RIMS2: variants seen among roughly 807,000 people sequenced by gnomAD.
RIMS2 encodes regulating synaptic membrane exocytosis 2, also known as regulating synaptic membrane exocytosis protein 2.
RIMS2 carries 59 observed loss-of-function variants against 174.4 expected under a neutral mutation model. The observed-to-expected ratio is 0.34, with a 90% confidence interval of 0.27 to 0.42. The LOEUF is 0.42. RIMS2 is among the 10% of genes least tolerant of loss of function. RIMS2 has a pLI of 1.00. For synonymous variants in RIMS2, 606 were observed against 572.5 expected (o/e 1.06, Z -0.84); for missense variants, 1,620 against 1,666.3 (o/e 0.97, Z 0.48).
chr8:104,252,721 C>T (rs767513344), downstream of RIMS2: 3 of 152,144 alleles, frequency 2.0e-5, no homozygotes, highest in Non-Finnish European at 4.4e-5. Context: ...CTAGAAGATA[C>T]TTAAAATTCT....
chr8:103,778,195 T>A (rs2098340137), intron 3 of RIMS2, among the ~76,000 whole-genome samples: 1 of 152,048 alleles, frequency 6.6e-6, no homozygotes, highest in Non-Finnish European at 1.5e-5. Context: ...CACATTCATA[T>A]AATATGTAAA....
At position 104,037,478 on chromosome 8, in the gene RIMS2, T is replaced by G. The variant is rs1345008510; in HGVS notation, c.3334+22863T>G. On this transcript the variant is annotated intron_variant, in intron 19 of 23. Coordinates refer to ENST00000504942, the Ensembl canonical transcript of RIMS2. ...CTGGTAACAGTACCAAGTGTATGCCTGTTGTAAATGGTGGTAAGTGAGAAC... is the reference window on the plus strand; with the variant it reads ...CTGGTAACAGTACCAAGTGTATGCCGGTTGTAAATGGTGGTAAGTGAGAAC... Among the ~76,000 whole-genome samples the G allele has an allele frequency of 7.9e-5, 12 of 152,358 alleles. No homozygotes were observed. The East Asian group carries it at 2.1e-3, about 27-fold the overall frequency.
chr8:103,656,708 G>A (rs2096536017), intron 1 of RIMS2, among the ~76,000 whole-genome samples: 2 of 152,088 alleles, frequency 1.3e-5, no homozygotes, highest in Non-Finnish European at 2.9e-5. Context: ...GAGGTCACAG[G>A]GCAAATCAAG....
chr8:103,659,181 A>G (rs2096566539), intron 1 of RIMS2, among the ~76,000 whole-genome samples: 1 of 152,158 alleles, frequency 6.6e-6, no homozygotes, highest in Non-Finnish European at 1.5e-5. Context: ...AGAAGTTGAT[A>G]TGGAGGCAGT....
chr8:103,784,272 A>G (rs1255865243), intron 3 of RIMS2, among the ~76,000 whole-genome samples: 1 of 149,208 alleles, frequency 6.7e-6, no homozygotes, highest in Non-Finnish European at 1.5e-5. Flanking sequence ...CTTTAGTTTA[A>G]TTAGATCCCA....
chr8:104,015,463 A>T, intron 19 of RIMS2: 3 of 698,514 alleles, frequency 4.3e-6, no homozygotes, highest in Non-Finnish European at 7.8e-6. Flanking sequence ...GAAGGTCTGT[A>T]CATAAAAGAG....
upstream of RIMS2, chr8:103,500,701 C>T: frequency 1.9e-6 from 1 of 536,070 alleles, no homozygotes; most frequent in Non-Finnish European, 3.3e-6. Context: ...GCCCTCCTTC[C>T]CCACGCGCTC....
At position 103,934,227 on chromosome 8, in the gene RIMS2, TA is replaced by T. The variant is rs929394002; in HGVS notation, c.2376-2316del. The stretch of plus-strand genomic sequence containing the variant: ...AAGGATTAGGTTGGATTTTATTTTT[TA>T]AAAAAAAGTTAACTACCTTCTTAGC... On this transcript the variant is annotated intron_variant, in intron 12 of 23. Transcript: ENST00000504942. 1.1e-4 allele frequency among the ~76,000 whole-genome samples: 16 copies of T among 152,102 alleles called. No homozygotes were observed. The East Asian group carries it at 1.2e-3, about 11-fold the overall frequency.
chr8:104,249,542 C>T, exon 22 of RIMS2: 3 of 1,612,586 alleles, frequency 1.9e-6, no homozygotes, highest in Non-Finnish European at 2.5e-6. Context: ...TAGAAATCAT[C>T]CGGGCCCGTG....
intron 20 of RIMS2, among the ~76,000 whole-genome samples, chr8:104,246,791 G>T (rs760815691): frequency 6.6e-6 from 1 of 152,164 alleles, no homozygotes; most frequent in Non-Finnish European, 1.5e-5. Flanking sequence ...GGTGTCAGCA[G>T]TGAGGAGGGC....
At chr8:104,189,574 T>C (rs1194669160) in intron 19 of RIMS2, among the ~76,000 whole-genome samples, 1 of 128,238 alleles carries the variant, frequency 7.8e-6, no homozygotes, top group African/African-American at 2.7e-5. Context: ...AAATTCCAAA[T>C]ATATACATTA....
At position 103,784,989 on chromosome 8, in the gene RIMS2, C is replaced by T. The variant is rs1451221901; in HGVS notation, c.698+18452C>T. 2.1e-5 allele frequency among the ~76,000 whole-genome samples: 3 copies of T among 141,920 alleles called. 1 individual carries two copies. The highest frequency in any genetic ancestry group is 8.0e-5 in the African/African-American group (3 of 37,354). 93.1% of individuals were successfully genotyped at this position (141,920 alleles called of 152,430 possible). A position where few individuals can be genotyped will look rare whatever the true frequency, so the allele number is the denominator to read the frequency against. ...CTCCTTGAAGAGGTTCTTCACATCC[C>T]TTGTAAGTTGGATTCCTAGGTATTT... On this transcript the variant is annotated intron_variant, in intron 3 of 23. Coordinates refer to ENST00000504942, the Ensembl canonical transcript of RIMS2.
chr8:103,676,004 C>T (rs2096805215), intron 1 of RIMS2, among the ~76,000 whole-genome samples: 1 of 152,114 alleles, frequency 6.6e-6, no homozygotes, highest in Non-Finnish European at 1.5e-5. Flanking sequence ...CTGAAAAGCA[C>T]AGAGCTGAGA....
At chr8:104,245,801 G>A (rs762803853) in intron 20 of RIMS2, among the ~76,000 whole-genome samples, 4 of 152,202 alleles carry the variant, frequency 2.6e-5, no homozygotes, top group Non-Finnish European at 4.4e-5. Flanking sequence ...GAGGCCGTAG[G>A]AGCTGTTGGC....
At chr8:104,125,097 A>T (rs1428263984) in intron 19 of RIMS2, among the ~76,000 whole-genome samples, 1 of 152,088 alleles carries the variant, frequency 6.6e-6, no homozygotes, top group East Asian at 1.9e-4. Flanking sequence ...AACAGTATAT[A>T]GAATTGTGTT....
At chr8:103,551,604 A>G (rs530121178) in intron 1 of RIMS2, among the ~76,000 whole-genome samples, 1 of 152,324 alleles carries the variant, frequency 6.6e-6, no homozygotes, top group South Asian at 2.1e-4. Flanking sequence ...GGCCAGGGCA[A>G]TCAGACAGGA....
At chr8:103,632,104 T>C (rs577631103) in intron 1 of RIMS2, among the ~76,000 whole-genome samples, 5 of 152,332 alleles carry the variant, frequency 3.3e-5, no homozygotes, top group Admixed American at 3.3e-4. Flanking sequence ...CTTCTATTTA[T>C]ATGCATTTTA....
intron 19 of RIMS2, 39 bp downstream of exon 22, chr8:104,041,397 T>A (rs1212831870): frequency 2.9e-6 from 2 of 682,722 alleles, no homozygotes. Flanking sequence ...ATTTTATTTA[T>A]CTAACTTGTC....
chr8:103,943,061 T>A (rs139724862), intron 14 of RIMS2, 135 bp downstream of exon 16: 1 of 644,228 alleles, frequency 1.6e-6, no homozygotes, highest in East Asian at 2.8e-5. Flanking sequence ...TATGAATTGT[T>A]TGAAAACAAT....
Sources: gnomAD v4.1 joint callset for allele counts (sites outside exome capture counted in the v4.1 genomes callset) on GRCh38, gnomAD v4.1.1 for gene constraint, MANE v1.5 for transcripts, NCBI Gene and HGNC (gene_info 2026-07-23, HGNC 2026-07-21) for gene names.